The following TLL1 variants were observed in gnomAD, a reference collection of about 807,000 sequenced individuals.
TLL1 encodes the protein tolloid like 1, also known as tolloid-like protein 1.
In TLL1, 49 loss-of-function variants were observed where a neutral mutation model predicts 128.2. The ratio of observed to expected loss-of-function variants is 0.38; its 90% CI spans 0.30 to 0.48. The LOEUF (loss-of-function observed/expected upper bound fraction) is 0.48. Among genes scored for constraint, TLL1 ranks in the 20% least tolerant of loss-of-function variants. TLL1 has a pLI of 0.96. For missense variants in TLL1, 1,123 were observed against 1,242.0 expected, an observed-to-expected ratio of 0.90 and a Z score of 1.44; for synonymous variants, 454 against 418.8, an observed-to-expected ratio of 1.08 and a Z score of -1.03.
chr4:165,992,013 A>C (rs1286307523), intron 2 of TLL1, among the ~76,000 whole-genome samples: 2 of 151,978 alleles, frequency 1.3e-5, no homozygotes, highest in Non-Finnish European at 2.9e-5. Context: ...TGGAGACTTG[A>C]ATTATTGCCA....
intron 17 of TLL1, 53 bp from the exon 18 acceptor site, chr4:166,077,850 C>T (rs1741105529): frequency 1.2e-6 from 2 of 1,610,072 alleles, no homozygotes; most frequent in East Asian, 2.2e-5. Context: ...TGCTTTCTGC[C>T]TCAAACCTGG....
At chr4:165,905,792 G>A (rs1732221587) in intron 1 of TLL1, among the ~76,000 whole-genome samples, 1 of 152,174 alleles carries the variant, frequency 6.6e-6, no homozygotes, top group Admixed American at 6.5e-5. Context: ...GTGAAGAGAA[G>A]GTGTCTGAAT....
Position 165,988,029 on chromosome 4 carries a change from T to C in TLL1, c.170-1352T>C, listed in dbSNP as rs547606798. Among the ~76,000 whole-genome samples the C allele has an allele frequency of 3.0e-4, 46 of 152,082 alleles. 1 individual carries two copies. The highest frequency in any genetic ancestry group is 5.9e-4 in the Non-Finnish European group (40 of 67,990). On this transcript the variant is annotated intron_variant, in intron 1 of 20. Transcript: ENST00000061240. ...TAAACCTGTAAAAAACAAATATCCCTGTATTTCTAGGTATTTTTCAGTGTT... is the reference window on the plus strand; with the variant it reads ...TAAACCTGTAAAAAACAAATATCCCCGTATTTCTAGGTATTTTTCAGTGTT...
intron 8 of TLL1, among the ~76,000 whole-genome samples, chr4:166,020,976 A>G (rs1474661980): frequency 6.6e-6 from 1 of 152,194 alleles, no homozygotes; most frequent in Non-Finnish European, 1.5e-5. Flanking sequence ...GTACATATCT[A>G]TGGATGCACA....
In TLL1 at chr4:166,099,504, C is replaced by T. The variant is rs778294639; in HGVS notation, c.2884C>T (p.Leu962Phe). Residue 962 changes from leucine to phenylalanine, a missense_variant, in exon 20 of 21, where the codon CTT becomes TTT. Leu to Phe is a conservative substitution (Grantham distance 22). Transcript: ENST00000061240. ...FDGLDSTAVG[L>F]GRFCGSGPPE... is the part of the protein sequence containing the mutation. ...TGGTCTTGATTCAACAGCTGTGGGGCTTGGTCGATTCTGTGGATCCGGGGT... is the reference window on the plus strand; with the variant it reads ...TGGTCTTGATTCAACAGCTGTGGGGTTTGGTCGATTCTGTGGATCCGGGGT... 7 of 1,613,106 alleles carry T rather than the reference C, an allele frequency of 4.3e-6. No homozygotes were observed. The South Asian group carries it at 7.7e-5, about 18-fold the overall frequency.
intron 15 of TLL1, among the ~76,000 whole-genome samples, chr4:166,061,390 G>C (rs6857845): frequency 6.6e-6 from 1 of 151,502 alleles, no homozygotes; most frequent in African/African-American, 2.4e-5. Context: ...GGGATTACAG[G>C]CATGCGCCAC....
At chr4:166,028,298 A>AT (rs1289862370) in intron 9 of TLL1, among the ~76,000 whole-genome samples, 8 of 151,756 alleles carry the variant, frequency 5.3e-5, no homozygotes, top group Non-Finnish European at 1.2e-4. Context: ...TAACCCACAT[A>AT]TTTTTTCAGT....
chr4:166,043,006 T>G lies in TLL1; in HGVS notation c.1379-268T>G, dbSNP rs373877243. On this transcript the variant is annotated intron_variant, in intron 11 of 20. Transcript: ENST00000061240. ...AATAAATTCACAAAGCCACTAAAGG[T>G]TTTTAAAGGTTAAAAAATACCTTTT... is the stretch of plus-strand genomic sequence containing the variant. Among the ~76,000 whole-genome samples, 120 of 152,306 alleles carry G rather than the reference T, an allele frequency of 7.9e-4. 1 individual carries two copies. The highest frequency in any genetic ancestry group is 2.7e-3 in the African/African-American group (114 of 41,578).
intron 6 of TLL1, among the ~76,000 whole-genome samples, chr4:166,006,890 T>C (rs1171334141): frequency 6.6e-6 from 1 of 151,724 alleles, no homozygotes; most frequent in Non-Finnish European, 1.5e-5. Context: ...GAGACATAAC[T>C]CAATTTCTTT....
intron 1 of TLL1, among the ~76,000 whole-genome samples, chr4:165,925,889 A>G (rs150343723): frequency 6.6e-6 from 1 of 152,338 alleles, no homozygotes; most frequent in African/African-American, 2.4e-5. Flanking sequence ...ATTACTATTT[A>G]CTGAAGGCTC....
intron 5 of TLL1, among the ~76,000 whole-genome samples, chr4:165,995,944 A>G (rs775624034): frequency 4.6e-5 from 7 of 152,090 alleles, no homozygotes; most frequent in Non-Finnish European, 5.9e-5. Context: ...TGTTTTCAAT[A>G]AATTTATATT....
chr4:165,891,701 G>A (rs1005869795), intron 1 of TLL1, among the ~76,000 whole-genome samples: 2 of 152,120 alleles, frequency 1.3e-5, no homozygotes, highest in African/African-American at 2.4e-5. Flanking sequence ...CAGTATTTTG[G>A]TCAAAACCAT....
chr4:165,975,570 A>ACTAT (rs1198545978), intron 1 of TLL1, among the ~76,000 whole-genome samples: 24 of 152,238 alleles, frequency 1.6e-4, no homozygotes, highest in African/African-American at 5.8e-4. Context: ...TAACTTTGAT[A>ACTAT]CTATAACTGG....
chr4:165,974,763 A>G (rs1160483354), intron 1 of TLL1, among the ~76,000 whole-genome samples: 1 of 152,252 alleles, frequency 6.6e-6, no homozygotes, highest in Non-Finnish European at 1.5e-5. Flanking sequence ...TGAAGCTCCA[A>G]CAACCCAGGA....
At chr4:166,098,460 T>G (rs977697104) in intron 19 of TLL1, among the ~76,000 whole-genome samples, 1 of 152,104 alleles carries the variant, frequency 6.6e-6, no homozygotes, top group Admixed American at 6.6e-5. Flanking sequence ...ATTTATTTCT[T>G]TGGTGTATTT....
intron 1 of TLL1, among the ~76,000 whole-genome samples, chr4:165,913,946 G>T (rs1732659755): frequency 6.6e-6 from 1 of 151,936 alleles, no homozygotes; most frequent in African/African-American, 2.4e-5. Flanking sequence ...AGCTGGAGAG[G>T]TCTAGGTTGT....
chr4:165,930,303 A>G (rs916245059), intron 1 of TLL1, among the ~76,000 whole-genome samples: 1 of 152,316 alleles, frequency 6.6e-6, no homozygotes, highest in Admixed American at 6.5e-5. Context: ...GTAGTAGTAG[A>G]GGGGTTATAA....
chr4:166,079,505 T>C (rs1020679392), intron 18 of TLL1, among the ~76,000 whole-genome samples: 1 of 152,130 alleles, frequency 6.6e-6, no homozygotes, highest in African/African-American at 2.4e-5. Context: ...TTGTAAATCT[T>C]ATCTTTATTT....
intron 1 of TLL1, among the ~76,000 whole-genome samples, chr4:165,939,012 T>C (rs1299386681): frequency 1.3e-5 from 2 of 151,070 alleles, no homozygotes; most frequent in Non-Finnish European, 2.9e-5. Flanking sequence ...TGTTTTGCTT[T>C]TTTTTTTAAA....
Sources: allele counts gnomAD v4.1 joint callset (sites outside exome capture counted in the v4.1 genomes callset), GRCh38; gene constraint gnomAD v4.1.1; transcripts MANE v1.5; gene names NCBI Gene and HGNC (gene_info 2026-07-23, HGNC 2026-07-21).